ABR: variants seen among roughly 807,000 people sequenced by gnomAD.
ABR encodes ABR activator of RhoGEF and GTPase.
ABR carries 35 observed loss-of-function variants against 107.2 expected under a neutral mutation model. The ratio of observed to expected loss-of-function variants is 0.33; its 90% CI spans 0.25 to 0.43. The LOEUF (loss-of-function observed/expected upper bound fraction) is 0.43, where lower values mean the gene tolerates loss of function less well. Ranked by LOEUF, ABR falls within the 20% of genes least tolerant of loss-of-function variation. The pLI, the probability that ABR is intolerant of heterozygous loss-of-function variation, is 1.00. For synonymous variants in ABR, 498 were observed against 462.0 expected (o/e 1.08, Z -1.00); for missense variants, 815 against 1,115.2 (o/e 0.73, Z 3.83).
chr17:1,049,980 C>A, intron 16 of ABR, 70 bp downstream of exon 16: 2 of 1,549,752 alleles, frequency 1.3e-6, no homozygotes, highest in Non-Finnish European at 8.7e-7. Context: ...GCTCCTTGAC[C>A]AGAATTCCTT....
rs1372551540 is a variant in ABR, at chr17:1,108,854, C to T, written c.247-8119G>A. 6 of 1,447,452 alleles carry T rather than the reference C, an allele frequency of 4.1e-6. No individual in the cohort carries two copies. In the Admixed American group the frequency reaches 1.1e-4, roughly 26 times the overall value. 89.7% of individuals were successfully genotyped at this position (1,447,452 alleles called of 1,614,324 possible). A position where few individuals can be genotyped will look rare whatever the true frequency, so the allele number is the denominator to read the frequency against. ...TCCACCCGGCCGCGCGCTCTGCGCC[C>T]GCATCAGCCATTTCTCCCGCGCACC... On this transcript the variant is annotated intron_variant, in intron 2 of 22. Coordinates refer to ENST00000302538, the MANE Select transcript of ABR (RefSeq NM_021962.5).
chr17:1,132,001 T>C (rs1443742396), intron 1 of ABR, among the ~76,000 whole-genome samples: 2 of 144,328 alleles, frequency 1.4e-5, no homozygotes, highest in African/African-American at 5.4e-5. Flanking sequence ...GCACACCAAA[T>C]GCAGTGCCTG....
intron 1 of ABR, among the ~76,000 whole-genome samples, chr17:1,163,376 C>T (rs940013957): frequency 1.2e-4 from 18 of 152,216 alleles, no homozygotes; most frequent in African/African-American, 4.3e-4. Flanking sequence ...TCAGCTTGGC[C>T]TCTAGGAGCC....
intron 14 of ABR, among the ~76,000 whole-genome samples, chr17:1,052,231 G>GCACC (rs2032646312): frequency 6.6e-6 from 1 of 151,962 alleles, no homozygotes; most frequent in Non-Finnish European, 1.5e-5. Flanking sequence ...GAGGCCCTGA[G>GCACC]CACCCCAGCC....
Position 1,006,023 on chromosome 17 carries a change from G to A in ABR, c.*57C>T. On this transcript the variant is annotated 3_prime_UTR_variant, in exon 23 of 23. Transcript: ENST00000302538. ...TATTGCAGTCTTTCAAGTCTGAGTT[G>A]GACCCCAGGCTGGAGGGGCTGGTTC... The A allele has an allele frequency of 7.0e-7, 1 of 1,436,394 alleles. No homozygotes were observed. Among genetic ancestry groups the A allele is most frequent in the South Asian group, 1.2e-5 (1 of 81,728 alleles). 89.0% of individuals were successfully genotyped at this position (1,436,394 alleles called of 1,614,324 possible). A position where few individuals can be genotyped will look rare whatever the true frequency, so the allele number is the denominator to read the frequency against.
intron 1 of ABR, among the ~76,000 whole-genome samples, chr17:1,139,434 AG>A (rs1280780778): frequency 6.6e-6 from 1 of 151,922 alleles, no homozygotes; most frequent in Non-Finnish European, 1.5e-5. Context: ...TTGTATTTTT[AG>A]TAGAGACAGG....
intron 16 of ABR, among the ~76,000 whole-genome samples, chr17:1,029,007 C>A (rs1597440704): frequency 6.6e-6 from 1 of 151,912 alleles, no homozygotes. Context: ...GAATTCAGCC[C>A]CTTCCCATCC....
chr17:1,012,247 G>A (rs1372628827), intron 18 of ABR: 2 of 671,982 alleles, frequency 3.0e-6, no homozygotes, highest in Non-Finnish European at 5.5e-6. Context: ...TCTAGGGAAA[G>A]AACGTCCCCC....
rs769779925 is a variant in ABR at position 1,050,815 on chromosome 17, G to A, written c.1562-181C>T. 6.6e-6 allele frequency among the ~76,000 whole-genome samples: 1 copy of A among 151,782 alleles called. No individual in the cohort carries two copies. The highest frequency in any genetic ancestry group is 1.5e-5 in the Non-Finnish European group (1 of 67,940). ...TGGCTTCTCCCCTGCCCCCTTCTTA[G>A]GGGCTCAGCCCTCCCCACCTCGGCT... On this transcript the variant is annotated intron_variant, in intron 14 of 22. Transcript: ENST00000302538. The surrounding 1 kb of genome is among the most constrained non-coding windows in gnomAD (Gnocchi z 4.6).
intron 3 of ABR, among the ~76,000 whole-genome samples, chr17:1,094,423 T>C (rs1341294352): frequency 6.7e-6 from 1 of 149,248 alleles, no homozygotes; most frequent in Non-Finnish European, 1.5e-5. Context: ...CAGGCTGGAG[T>C]GCAATAGTGC....
rs867609666 is a variant in ABR at position 1,224,150 on chromosome 17, G to C, written c.838+4643C>G. ...TGGTCTCACACCTGGGGAGAGGCAG[G>C]CCTGACTTCACAGCACGCACCACCC... On this transcript the variant is annotated intron_variant, in intron 1 of 22. Coordinates refer to the ABR transcript ENST00000574139. Among the ~76,000 whole-genome samples the C allele has an allele frequency of 6.0e-4, 92 of 152,162 alleles. 1 individual carries two copies. In the Middle Eastern group the frequency reaches 0.017, roughly 28 times the overall value.
intron 1 of ABR, among the ~76,000 whole-genome samples, chr17:1,173,174 A>ACCC (rs1437930541): frequency 1.2e-5 from 1 of 83,612 alleles, no homozygotes; most frequent in Non-Finnish European, 2.3e-5. Context: ...ACCTCAGTCC[A>ACCC]CCCAACACAT....
At chr17:1,215,381 G>GGC (rs1298914660) in intron 1 of ABR, among the ~76,000 whole-genome samples, 3 of 152,202 alleles carry the variant, frequency 2.0e-5, no homozygotes, top group Non-Finnish European at 4.4e-5. Context: ...TGCGATTGCA[G>GGC]GCGCGCGCTG....
rs2036475711 is a variant in ABR, at chr17:1,084,643, A to G, written c.532-1016T>C. On this transcript the variant is annotated intron_variant, in intron 4 of 22. Transcript: ENST00000302538. The surrounding 1 kb of genome is among the most constrained non-coding windows in gnomAD (Gnocchi z 4.2). ...AAGTCAATTCCCCAAATATTTATGG[A>G]AAGGCTTCGCTGCGCTGTATATAAG... 1.3e-5 allele frequency among the ~76,000 whole-genome samples: 2 copies of G among 152,340 alleles called. No individual in the cohort carries two copies. The highest frequency in any genetic ancestry group is 2.1e-4 in the South Asian group (1 of 4,828).
intron 1 of ABR, among the ~76,000 whole-genome samples, chr17:1,196,416 G>A (rs888461486): frequency 1.3e-5 from 2 of 152,108 alleles, no homozygotes; most frequent in South Asian, 2.1e-4. Context: ...GGTGACAAGA[G>A]TGAAAACTCT....
chr17:1,215,410 C>A (rs974873536), intron 1 of ABR, among the ~76,000 whole-genome samples: 12 of 152,178 alleles, frequency 7.9e-5, no homozygotes, highest in Non-Finnish European at 1.8e-4. Flanking sequence ...GACTGGTTTT[C>A]GTATTTTTTT....
intron 6 of ABR, among the ~76,000 whole-genome samples, chr17:1,077,163 C>T (rs1279801198): frequency 6.6e-6 from 1 of 152,192 alleles, no homozygotes; most frequent in African/African-American, 2.4e-5. Flanking sequence ...CTTTGAGCTG[C>T]ACCTTCTTCA....
At chr17:1,079,512 G>T in intron 5 of ABR, 122 bp from the exon 6 acceptor site, 2 of 926,276 alleles carry the variant, frequency 2.2e-6, no homozygotes, top group Non-Finnish European at 3.4e-6. Context: ...ACAGAGGCCG[G>T]GTGTGGCGGC....
chr17:1,180,827 G>T (rs2042110422), upstream of ABR, among the ~76,000 whole-genome samples: 1 of 152,230 alleles, frequency 6.6e-6, no homozygotes, highest in South Asian at 2.1e-4. Context: ...TCTCCTGTGG[G>T]CTGATTCTGT....
Sources: gnomAD v4.1 joint callset for allele counts (sites outside exome capture counted in the v4.1 genomes callset) on GRCh38, gnomAD v4.1.1 for gene constraint, Gnocchi (gnomAD v3.1) non-coding constraint, MANE v1.5 for transcripts, NCBI Gene and HGNC (gene_info 2026-07-23, HGNC 2026-07-21) for gene names.